Variants in RIMS1 observed in about 807,000 individuals in gnomAD.
RIMS1 encodes regulating synaptic membrane exocytosis protein 1.
Under a neutral mutation model 214.1 loss-of-function variants are expected in RIMS1, and 83 were observed. The observed-to-expected ratio is 0.39, with a 90% CI of 0.32 to 0.47. The LOEUF (loss-of-function observed/expected upper bound fraction) is 0.47. Ranked by LOEUF, RIMS1 falls within the 20% of genes least tolerant of loss-of-function variation. The probability of loss-of-function intolerance (pLI) is 0.99; values close to 1 mark genes in which losing one functional copy is unlikely to be tolerated. For missense variants in RIMS1, 2,050 were observed against 2,161.8 expected (o/e 0.95, Z 1.03); for synonymous variants, 793 against 786.8 (o/e 1.01, Z -0.13).
At chr6:72,261,633 A>G in intron 19 of RIMS1, 4 of 985,272 alleles carry the variant, frequency 4.1e-6, no homozygotes, top group Non-Finnish European at 4.8e-6. Context: ...TTTAGCCAAT[A>G]AAAAGCAAGA....
intron 6 of RIMS1, among the ~76,000 whole-genome samples, chr6:72,214,068 A>G (rs1248062780): frequency 6.6e-6 from 1 of 152,202 alleles, no homozygotes; most frequent in Non-Finnish European, 1.5e-5. Context: ...GCTCCAGTGA[A>G]TAACACTTAC....
rs554658979 is a variant in RIMS1 at position 72,190,709 on chromosome 6, T to C, written c.1678+7560T>C. Among the ~76,000 whole-genome samples, 111 of 152,098 alleles carry C rather than the reference T, an allele frequency of 7.3e-4. 1 individual carries two copies. The highest frequency in any genetic ancestry group is 1.2e-3 in the Admixed American group (19 of 15,278). On this transcript the variant is annotated intron_variant, in intron 6 of 33. Coordinates refer to ENST00000521978, the MANE Select transcript of RIMS1 (RefSeq NM_014989.7). ...GATGGGCATTTGAGCCACTTCCTCA[T>C]GTAACTTACTTGTGCCTCAGGACCT...
At chr6:72,292,316 G>C (rs2093510519) in intron 26 of RIMS1, among the ~76,000 whole-genome samples, 1 of 151,908 alleles carries the variant, frequency 6.6e-6, no homozygotes, top group Non-Finnish European at 1.5e-5. Flanking sequence ...TTATTCCAAA[G>C]TGACAAAGGA....
At chr6:72,206,281 AC>A (rs2052897142) in intron 6 of RIMS1, among the ~76,000 whole-genome samples, 1 of 152,220 alleles carries the variant, frequency 6.6e-6, no homozygotes, top group African/African-American at 2.4e-5. Context: ...TCAATGAAGT[AC>A]TTAATTTTAG....
chr6:72,166,963 G>A lies in RIMS1; in HGVS notation c.472-12612G>A, dbSNP rs181160660. On this transcript the variant is annotated intron_variant, in intron 4 of 33. Coordinates refer to ENST00000521978, the MANE Select transcript of RIMS1 (RefSeq NM_014989.7). ...TTGTTATGATCTCTATTACACTGGC[G>A]TATAGAGGTTTAAAAAGTATATATA... Among the ~76,000 whole-genome samples the A allele has an allele frequency of 1.7e-3, 252 of 151,860 alleles. 2 individuals carry two copies. Among genetic ancestry groups the A allele is most frequent in the African/African-American group, 5.8e-3 (239 of 41,440 alleles).
chr6:71,891,079 C>CA (rs1332466202), intron 1 of RIMS1, among the ~76,000 whole-genome samples: 5 of 152,080 alleles, frequency 3.3e-5, no homozygotes, highest in Admixed American at 2.0e-4. Flanking sequence ...AGTGGCTTGG[C>CA]AAAAAATTAG....
Position 72,308,611 on chromosome 6 carries a change from C to T in RIMS1, c.3963+1241C>T, listed in dbSNP as rs1377635391. On this transcript the variant is annotated intron_variant, in intron 27 of 33. Transcript: ENST00000521978. The stretch of plus-strand genomic sequence containing the variant: ...AATAAAAAGAGGTGGCTACAAAATA[C>T]GATTTATCACCAAGACTACCATAGA... Among the ~76,000 whole-genome samples the T allele has an allele frequency of 3.3e-5, 5 of 152,022 alleles. No homozygotes were observed. In the South Asian group the frequency reaches 6.2e-4, roughly 19 times the overall value.
intron 2 of RIMS1, among the ~76,000 whole-genome samples, chr6:72,004,973 A>C (rs1373262327): frequency 6.6e-6 from 1 of 151,908 alleles, no homozygotes; most frequent in Admixed American, 6.6e-5. Flanking sequence ...GGTAATGCCT[A>C]GGTTTTCTTC....
chr6:72,009,142 A>G (rs551447351), intron 2 of RIMS1, among the ~76,000 whole-genome samples: 2 of 152,226 alleles, frequency 1.3e-5, no homozygotes, highest in Admixed American at 6.5e-5. Flanking sequence ...CCACAGTGCA[A>G]TCAAACTAGA....
At chr6:72,398,557 TATA>T (rs999057750) in intron 32 of RIMS1, among the ~76,000 whole-genome samples, 1 of 152,204 alleles carries the variant, frequency 6.6e-6, no homozygotes, top group Non-Finnish European at 1.5e-5. Context: ...GGAAGTATGT[TATA>T]ATATTTTTTT....
At chr6:72,313,702 G>A in intron 28 of RIMS1, 30 bp downstream of exon 28, 2 of 1,571,654 alleles carry the variant, frequency 1.3e-6, no homozygotes, top group South Asian at 1.2e-5. Context: ...TATATAAACT[G>A]GATCTTTATC....
chr6:71,940,048 T>C (rs1032375518), intron 1 of RIMS1, among the ~76,000 whole-genome samples: 2 of 152,214 alleles, frequency 1.3e-5, no homozygotes, highest in African/African-American at 4.8e-5. Flanking sequence ...TGTGTTGCTA[T>C]GAACATTAAA....
chr6:72,245,931 T>A, intron 11 of RIMS1, 70 bp downstream of exon 11: 1 of 1,150,322 alleles, frequency 8.7e-7, no homozygotes, highest in Non-Finnish European at 1.3e-6. Flanking sequence ...CTAATTTTCT[T>A]TAGTTATTTG....
At chr6:72,288,310 A>G (rs917261017) in intron 24 of RIMS1, among the ~76,000 whole-genome samples, 1 of 152,226 alleles carries the variant, frequency 6.6e-6, no homozygotes, top group African/African-American at 2.4e-5. Context: ...GTACATATGT[A>G]TATACTTGTA....
At chr6:72,162,023 A>C (rs1246368390) in intron 4 of RIMS1, among the ~76,000 whole-genome samples, 2 of 140,234 alleles carry the variant, frequency 1.4e-5, no homozygotes, top group Admixed American at 7.3e-5. Flanking sequence ...TGGGAGTCTA[A>C]GTCTCTTTGT....
intron 26 of RIMS1, among the ~76,000 whole-genome samples, chr6:72,297,477 CT>C (rs1391493104): frequency 6.6e-6 from 1 of 151,888 alleles, no homozygotes; most frequent in African/African-American, 2.4e-5. Flanking sequence ...CTGTACCTAG[CT>C]AAATAAAACA....
Position 72,263,787 on chromosome 6 carries a change from A to G in RIMS1, c.3117-1188A>G. 2 of 713,040 alleles carry G rather than the reference A, an allele frequency of 2.8e-6. 1 individual carries two copies. Among genetic ancestry groups the G allele is most frequent in the African/African-American group, 4.0e-5 (2 of 49,408 alleles). 44.2% of individuals were successfully genotyped at this position (713,040 alleles called of 1,614,324 possible). A position where few individuals can be genotyped will look rare whatever the true frequency, so the allele number is the denominator to read the frequency against. Reference sequence around the variant, plus strand: ...GAGACCAGTGTGGCCAACATGGTGAAACCCCGTCTCTACTAAAACACACAC... The same window carrying G: ...GAGACCAGTGTGGCCAACATGGTGAGACCCCGTCTCTACTAAAACACACAC... On this transcript the variant is annotated intron_variant, in intron 19 of 33. Coordinates refer to ENST00000521978, the MANE Select transcript of RIMS1 (RefSeq NM_014989.7).
chr6:72,195,995 G>C (rs901115227), intron 6 of RIMS1, among the ~76,000 whole-genome samples: 1 of 151,970 alleles, frequency 6.6e-6, no homozygotes, highest in Non-Finnish European at 1.5e-5. Flanking sequence ...ACAGCATGGG[G>C]GACACCGCCC....
At chr6:72,277,932 A>C (rs2087525518) in intron 23 of RIMS1, among the ~76,000 whole-genome samples, 1 of 152,174 alleles carries the variant, frequency 6.6e-6, no homozygotes, top group South Asian at 2.1e-4. Flanking sequence ...GAAGCATCAG[A>C]GTTCTGAGTT....
Sources: gnomAD v4.1 joint callset for allele counts (sites outside exome capture counted in the v4.1 genomes callset) on GRCh38, gnomAD v4.1.1 for gene constraint, MANE v1.5 for transcripts, NCBI Gene and HGNC (gene_info 2026-07-23, HGNC 2026-07-21) for gene names.